LURAP1L: variants seen among roughly 807,000 people sequenced by gnomAD.
LURAP1L encodes leucine rich adaptor protein 1 like.
A neutral mutation model predicts 13.8 loss-of-function variants in LURAP1L; 12 were observed. The observed-to-expected ratio is 0.87, with a 90% CI of 0.56 to 1.41. LURAP1L has a LOEUF of 1.41. Among genes scored for constraint, LURAP1L ranks in the 40% most tolerant of loss-of-function variants. The pLI is 0.00. For missense variants in LURAP1L, 375 were observed against 292.9 expected, an observed-to-expected ratio of 1.28 and a Z score of -2.04; for synonymous variants, 139 against 119.2, an observed-to-expected ratio of 1.17 and a Z score of -1.08.
intron 1 of LURAP1L, among the ~76,000 whole-genome samples, chr9:12,801,666 TC>T (rs1391854642): frequency 2.6e-5 from 4 of 152,234 alleles, no homozygotes; most frequent in Admixed American, 6.5e-5. Context: ...TTTTATTGCA[TC>T]TGAAAGTCAT....
intron 1 of LURAP1L, among the ~76,000 whole-genome samples, chr9:12,799,180 GTCA>G (rs1164501378): frequency 1.3e-5 from 2 of 152,142 alleles, no homozygotes; most frequent in Non-Finnish European, 2.9e-5. Context: ...TTTTGGCCAA[GTCA>G]TCAAGCTTGT....
chr9:12,812,054 T>A (rs760936467), intron 1 of LURAP1L, among the ~76,000 whole-genome samples: 4 of 152,204 alleles, frequency 2.6e-5, no homozygotes, highest in Non-Finnish European at 5.9e-5. Context: ...GTAGATGGCT[T>A]CATTCAGAGC....
intron 1 of LURAP1L, among the ~76,000 whole-genome samples, chr9:12,811,867 G>T (rs191339705): frequency 6.6e-6 from 1 of 152,164 alleles, no homozygotes; most frequent in South Asian, 2.1e-4. Flanking sequence ...TCACAAATCT[G>T]CCATCAAGGT....
intron 1 of LURAP1L, among the ~76,000 whole-genome samples, chr9:12,792,055 C>T (rs1490796750): frequency 6.6e-6 from 1 of 152,106 alleles, no homozygotes; most frequent in African/African-American, 2.4e-5. Context: ...ATTAGAAGAA[C>T]ATGCCTTTAA....
chr9:12,793,034 A>G lies in LURAP1L; in HGVS notation c.312+17007A>G, dbSNP rs1272597130. 2.0e-5 allele frequency among the ~76,000 whole-genome samples: 3 copies of G among 152,042 alleles called. No homozygotes were observed. The East Asian group carries it at 5.8e-4, about 29-fold the overall frequency. On this transcript the variant is annotated intron_variant, in intron 1 of 1. Coordinates refer to ENST00000319264, the MANE Select transcript of LURAP1L (RefSeq NM_203403.2). ...TTGTCAGTCTGGAAAAACGAACTAG[A>G]ACATAAGAAGGACGATTTTGGTAGT...
At chr9:12,792,363 C>T (rs945352322) in intron 1 of LURAP1L, among the ~76,000 whole-genome samples, 2 of 152,052 alleles carry the variant, frequency 1.3e-5, no homozygotes, top group Non-Finnish European at 2.9e-5. Flanking sequence ...AAAGATTTCT[C>T]CTGTGAGACA....
At position 12,806,152 on chromosome 9, in the gene LURAP1L, A is replaced by T. The variant is rs565581529; in HGVS notation, c.313-15234A>T. 7.9e-5 allele frequency among the ~76,000 whole-genome samples: 12 copies of T among 152,286 alleles called. No homozygotes were observed. In the South Asian group the frequency reaches 2.5e-3, roughly 32 times the overall value. The stretch of plus-strand genomic sequence containing the variant: ...ATAATTTTTTTAAAAAGTTGAAAAC[A>T]TGACTCTTACACAAATATAGAGGGA... On this transcript the variant is annotated intron_variant, in intron 1 of 1. Transcript: ENST00000319264.
chr9:12,779,072 CTCTT>C lies in LURAP1L; in HGVS notation c.312+3049_312+3052del, dbSNP rs1819231617. ...TATTGCTATGTGAATGTCTCTCTCT[CTCTT>C]TCTCTCTCATTCTCTCTCTCTCAAA... On this transcript the variant is annotated intron_variant, in intron 1 of 1. Coordinates refer to ENST00000319264, the MANE Select transcript of LURAP1L (RefSeq NM_203403.2). 3.3e-5 allele frequency among the ~76,000 whole-genome samples: 5 copies of C among 152,232 alleles called. No individual in the cohort carries two copies. In the South Asian group the frequency reaches 8.3e-4, roughly 25 times the overall value.
chr9:12,823,038 T>G lies in LURAP1L; in HGVS notation c.*1278T>G, dbSNP rs1018749444. On this transcript the variant is annotated 3_prime_UTR_variant, in exon 2 of 2. Coordinates refer to ENST00000319264, the MANE Select transcript of LURAP1L (RefSeq NM_203403.2). The stretch of plus-strand genomic sequence containing the variant: ...TCCAAGGCATGTATTATTCAATTTC[T>G]AATTAAAATATATCAGGGCTTATAT... 2.0e-5 allele frequency among the ~76,000 whole-genome samples: 3 copies of G among 152,216 alleles called. No homozygotes were observed. The highest frequency in any genetic ancestry group is 4.4e-5 in the Non-Finnish European group (3 of 68,040).
At chr9:12,815,424 A>G (rs575045606) in intron 1 of LURAP1L, among the ~76,000 whole-genome samples, 19 of 152,204 alleles carry the variant, frequency 1.2e-4, no homozygotes, top group Non-Finnish European at 2.6e-4. Flanking sequence ...ACCAACTACA[A>G]ATCAGAGAGA....
At chr9:12,811,957 G>A (rs1368068769) in intron 1 of LURAP1L, among the ~76,000 whole-genome samples, 1 of 152,164 alleles carries the variant, frequency 6.6e-6, no homozygotes, top group Admixed American at 6.5e-5. Flanking sequence ...GCCAGTAGCA[G>A]TCGACAGGTC....
At chr9:12,813,485 T>C (rs1186983222) in intron 1 of LURAP1L, among the ~76,000 whole-genome samples, 1 of 152,118 alleles carries the variant, frequency 6.6e-6, no homozygotes, top group Admixed American at 6.5e-5. Context: ...AGATTCAAAT[T>C]GGCCATGTAG....
chr9:12,807,156 A>G (rs1232227847), intron 1 of LURAP1L, among the ~76,000 whole-genome samples: 1 of 137,598 alleles, frequency 7.3e-6, no homozygotes, highest in African/African-American at 2.7e-5. Flanking sequence ...AGTCCCAGCT[A>G]CTCGGGAGCT....
intron 1 of LURAP1L, among the ~76,000 whole-genome samples, chr9:12,812,059 C>T (rs373175051): frequency 7.3e-4 from 111 of 152,330 alleles, no homozygotes; most frequent in African/African-American, 2.6e-3. Flanking sequence ...TGGCTTCATT[C>T]AGAGCAAGCA....
rs1227119740 is a variant in LURAP1L, at chr9:12,821,824, A to G, written c.*64A>G. On this transcript the variant is annotated 3_prime_UTR_variant, in exon 2 of 2. Coordinates refer to ENST00000319264, the MANE Select transcript of LURAP1L (RefSeq NM_203403.2). The stretch of plus-strand genomic sequence containing the variant: ...GTATTTATCCTTCTTCTCCGCTGCT[A>G]TATTTTTGGTGTGATTTTTATTTTA... 14 of 1,518,470 alleles carry G rather than the reference A, an allele frequency of 9.2e-6. No individual in the cohort carries two copies. Among genetic ancestry groups the G allele is most frequent in the Admixed American group, 4.3e-5 (2 of 47,056 alleles). The allele number at this position is 1,518,470 out of a possible 1,614,324, so 94.1% of individuals were successfully genotyped here. A position where few individuals can be genotyped will look rare whatever the true frequency, so the allele number is the denominator to read the frequency against.
At chr9:12,799,499 C>T (rs907030534) in intron 1 of LURAP1L, among the ~76,000 whole-genome samples, 1 of 152,086 alleles carries the variant, frequency 6.6e-6, no homozygotes, top group Admixed American at 6.5e-5. Flanking sequence ...AACAAGAGAA[C>T]AACCAGATCA....
chr9:12,790,450 T>C (rs1342353037), intron 1 of LURAP1L, among the ~76,000 whole-genome samples: 2 of 152,194 alleles, frequency 1.3e-5, no homozygotes, highest in Admixed American at 1.3e-4. Context: ...TTTTTTGTAG[T>C]GGATCATAGA....
At chr9:12,783,812 C>G (rs1398197290) in intron 1 of LURAP1L, among the ~76,000 whole-genome samples, 1 of 146,764 alleles carries the variant, frequency 6.8e-6, no homozygotes, top group Non-Finnish European at 1.5e-5. Flanking sequence ...AGCAATGAAG[C>G]TATGAGGTCC....
intron 1 of LURAP1L, among the ~76,000 whole-genome samples, chr9:12,788,533 T>C (rs1819395344): frequency 6.6e-6 from 1 of 152,178 alleles, no homozygotes; most frequent in African/African-American, 2.4e-5. Flanking sequence ...TTCGGTATAA[T>C]GTATAATTAA....
Sources: allele counts gnomAD v4.1 joint callset (sites outside exome capture counted in the v4.1 genomes callset), GRCh38; gene constraint gnomAD v4.1.1; transcripts MANE v1.5; gene names NCBI Gene and HGNC (gene_info 2026-07-23, HGNC 2026-07-21).